Variants in TGFBR1 observed in about 807,000 individuals in gnomAD.
TGFBR1 encodes the protein transforming growth factor beta receptor 1.
In TGFBR1, 20 loss-of-function variants were observed where a neutral mutation model predicts 55.1. The ratio of observed to expected loss-of-function variants is 0.36; its 90% CI spans 0.26 to 0.53. TGFBR1 has a LOEUF of 0.53. Ranked by LOEUF, TGFBR1 falls within the 20% of genes least tolerant of loss-of-function variation. The pLI, the probability that TGFBR1 is intolerant of heterozygous loss-of-function variation, is 0.91. For synonymous variants in TGFBR1, 220 were observed against 214.8 expected, an observed-to-expected ratio of 1.02 and a Z score of -0.21; for missense variants, 385 against 617.6, an observed-to-expected ratio of 0.62 and a Z score of 3.99.
chr9:99,108,096 A>C (rs1053885270), intron 1 of TGFBR1, among the ~76,000 whole-genome samples: 1 of 152,202 alleles, frequency 6.6e-6, no homozygotes, highest in Non-Finnish European at 1.5e-5. Flanking sequence ...TTTATATTCT[A>C]TTCCACATAA....
rs775908284 is a variant in TGFBR1, at chr9:99,128,789, T to C, written c.98-66T>C. The C allele has an allele frequency of 1.0e-4, 166 of 1,584,748 alleles. No individual in the cohort carries two copies. The African/African-American group carries it at 2.0e-3, about 19-fold the overall frequency. On this transcript the variant is annotated intron_variant, in intron 1 of 8. Transcript: ENST00000374994. ...TAGGATCAAGAATGTATTATTAGAG[T>C]GAATATTGGATAATTTCAAACTGTT...
intron 3 of TGFBR1, among the ~76,000 whole-genome samples, chr9:99,135,293 A>G (rs904625683): frequency 6.6e-6 from 1 of 152,152 alleles, no homozygotes; most frequent in Non-Finnish European, 1.5e-5. Context: ...ATAGCAGAAA[A>G]TGCCATCTGT....
chr9:99,129,333 C>G (rs1314351088), intron 2 of TGFBR1, among the ~76,000 whole-genome samples: 1 of 152,132 alleles, frequency 6.6e-6, no homozygotes, highest in Non-Finnish European at 1.5e-5. Flanking sequence ...GTCTGTTATA[C>G]CTAAAAGGAT....
intron 6 of TGFBR1, among the ~76,000 whole-genome samples, chr9:99,145,604 CTTAA>C (rs1323058685): frequency 6.6e-6 from 1 of 152,192 alleles, no homozygotes; most frequent in African/African-American, 2.4e-5. Context: ...TTCAAAAGAA[CTTAA>C]TTAGGTAGGT....
At position 99,144,865 on chromosome 9, in the gene TGFBR1, A is replaced by C. The variant is rs1827742534; in HGVS notation, c.1107A>C (p.Pro369=). Residue 369 remains proline, a synonymous_variant, in exon 6 of 9, where the codon CCA becomes CCC. Coordinates refer to ENST00000374994, the MANE Select transcript of TGFBR1 (RefSeq NM_004612.4). ...CCACAGATACCATTGATATTGCTCC[A>C]AACCACAGAGTGGGAACAAAAAGGT... is the stretch of plus-strand genomic sequence containing the variant. ...DSATDTIDIA[P]NHRVGTKRYM... 1 of 1,614,010 alleles carries C rather than the reference A, an allele frequency of 6.2e-7. No individual in the cohort carries two copies. The highest frequency in any genetic ancestry group is 8.5e-7 in the Non-Finnish European group (1 of 1,179,908).
Position 99,150,573 on chromosome 9 carries a change from C to T in TGFBR1, c.*1268C>T, listed in dbSNP as rs541995278. The T allele has an allele frequency of 9.3e-6, 2 of 216,062 alleles. No homozygotes were observed. The highest frequency in any genetic ancestry group is 4.5e-5 in the African/African-American group (2 of 44,562). 13.4% of individuals were successfully genotyped at this position (216,062 alleles called of 1,614,324 possible). A position where few individuals can be genotyped will look rare whatever the true frequency, so the allele number is the denominator to read the frequency against. ...TGTAGGAGTAAACGTTCGGTGGATC[C>T]TCTGTCTTTGTAACTGAGGTTAGAG... On this transcript the variant is annotated 3_prime_UTR_variant, in exon 9 of 9. Transcript: ENST00000374994.
rs199892683 is a variant in TGFBR1, at chr9:99,153,671, A to G, written c.*4366A>G. On this transcript the variant is annotated 3_prime_UTR_variant, in exon 9 of 9. Transcript: ENST00000374994. ...CCAAGTGCCAGTGGCATATTTTAAAATAAAGTGTATACGTTGGAATGAGTC... is the reference window on the plus strand; with the variant it reads ...CCAAGTGCCAGTGGCATATTTTAAAGTAAAGTGTATACGTTGGAATGAGTC... The G allele has an allele frequency of 3.0e-4, 60 of 198,472 alleles. No homozygotes were observed. Among genetic ancestry groups the G allele is most frequent in the Non-Finnish European group, 5.5e-4 (53 of 95,498 alleles). The allele number at this position is 198,472 out of a possible 1,614,324, so 12.3% of individuals were successfully genotyped here.
intron 1 of TGFBR1, among the ~76,000 whole-genome samples, chr9:99,128,341 A>G (rs1390153824): frequency 1.3e-5 from 2 of 152,160 alleles, no homozygotes; most frequent in African/African-American, 4.8e-5. Context: ...TGTCTGGCTC[A>G]GTACAAATCT....
rs962617413 is a variant in TGFBR1, at chr9:99,150,348, A to G, written c.*1043A>G. On this transcript the variant is annotated 3_prime_UTR_variant, in exon 9 of 9. Coordinates refer to ENST00000374994, the MANE Select transcript of TGFBR1 (RefSeq NM_004612.4). ...TTTTTCTAAAAGGGAAAGTCTGTCT[A>G]GCTGCTTGTGAAAAGTTATGTGGTA... is the stretch of plus-strand genomic sequence containing the variant. 9.8e-6 allele frequency: 2 copies of G among 203,988 alleles called. No homozygotes were observed. The highest frequency in any genetic ancestry group is 4.6e-5 in the African/African-American group (2 of 43,742). The allele number at this position is 203,988 out of a possible 1,614,324, so 12.6% of individuals were successfully genotyped here.
At chr9:99,106,759 A>G (rs1214518582) in intron 1 of TGFBR1, among the ~76,000 whole-genome samples, 2 of 152,128 alleles carry the variant, frequency 1.3e-5, no homozygotes, top group Non-Finnish European at 2.9e-5. Flanking sequence ...TTTCTTCTTC[A>G]GTCGTCTGAT....
rs78385793 is a variant in TGFBR1 at position 99,152,567 on chromosome 9, C to T, written c.*3262C>T. On this transcript the variant is annotated 3_prime_UTR_variant, in exon 9 of 9. Coordinates refer to ENST00000374994, the MANE Select transcript of TGFBR1 (RefSeq NM_004612.4). ...TTTTTTCTCTATGTCTGAGAACTGTCAGATTAAAACAAGATGGCAAAGAGA... is the reference window on the plus strand; with the variant it reads ...TTTTTTCTCTATGTCTGAGAACTGTTAGATTAAAACAAGATGGCAAAGAGA... The T allele has an allele frequency of 2.6e-3, 587 of 229,404 alleles. 2 individuals are homozygous for T. Among genetic ancestry groups the T allele is most frequent in the African/African-American group, 0.013 (569 of 45,214 alleles). 14.2% of individuals were successfully genotyped at this position (229,404 alleles called of 1,614,324 possible). A position where few individuals can be genotyped will look rare whatever the true frequency, so the allele number is the denominator to read the frequency against.
At chr9:99,111,533 G>C (rs1215348364) in intron 1 of TGFBR1, among the ~76,000 whole-genome samples, 2 of 151,960 alleles carry the variant, frequency 1.3e-5, no homozygotes, top group African/African-American at 4.8e-5. Flanking sequence ...GGAGGCTGAG[G>C]CAGGAGAATC....
intron 2 of TGFBR1, among the ~76,000 whole-genome samples, chr9:99,130,142 T>C (rs972120054): frequency 3.9e-5 from 6 of 152,154 alleles, no homozygotes; most frequent in African/African-American, 1.4e-4. Context: ...CTTCTGCAAT[T>C]TACAGTACAG....
At chr9:99,146,781 G>C (rs952018597) in intron 7 of TGFBR1, among the ~76,000 whole-genome samples, 172 bp downstream of exon 7, 1 of 152,192 alleles carries the variant, frequency 6.6e-6, no homozygotes, top group African/African-American at 2.4e-5. Flanking sequence ...CAGTGCCATG[G>C]TGTGCACATG....
intron 8 of TGFBR1, among the ~76,000 whole-genome samples, chr9:99,148,137 A>G (rs958369986): frequency 1.3e-5 from 2 of 152,194 alleles, no homozygotes; most frequent in African/African-American, 4.8e-5. Flanking sequence ...CAGCCTGGCT[A>G]CCATTTCAAG....
Position 99,149,729 on chromosome 9 carries a change from T to G in TGFBR1, c.*424T>G. 1 of 263,076 alleles carries G rather than the reference T, an allele frequency of 3.8e-6. No individual in the cohort carries two copies. The highest frequency in any genetic ancestry group is 4.8e-5 in the Admixed American group (1 of 20,794). 16.3% of individuals were successfully genotyped at this position (263,076 alleles called of 1,614,324 possible). ...TGGTTAGTACATTCTCAGAGGATTCTGAACCACTAGAGTTTCCTTGATTCA... is the reference window on the plus strand; with the variant it reads ...TGGTTAGTACATTCTCAGAGGATTCGGAACCACTAGAGTTTCCTTGATTCA... On this transcript the variant is annotated 3_prime_UTR_variant, in exon 9 of 9. Transcript: ENST00000374994.
rs1347989389 is a variant in TGFBR1, at chr9:99,127,904, G to T, written c.98-951G>T. 1.8e-5 allele frequency: 8 copies of T among 455,828 alleles called. 1 individual carries two copies. Among genetic ancestry groups the T allele is most frequent in the South Asian group, 1.2e-4 (8 of 64,554 alleles). The allele number at this position is 455,828 out of a possible 1,614,324, so 28.2% of individuals were successfully genotyped here. A position where few individuals can be genotyped will look rare whatever the true frequency, so the allele number is the denominator to read the frequency against. On this transcript the variant is annotated intron_variant, in intron 1 of 8. Transcript: ENST00000374994. The stretch of plus-strand genomic sequence containing the variant: ...TGAATGCTGCTGTGCATGAGGCATG[G>T]TGTTAGATGGCAGATTGACAGAAAT...
At position 99,151,684 on chromosome 9, in the gene TGFBR1, A is replaced by G. The variant is rs1407190162; in HGVS notation, c.*2379A>G. 8.8e-6 allele frequency: 2 copies of G among 226,244 alleles called. No individual in the cohort carries two copies. Among genetic ancestry groups the G allele is most frequent in the East Asian group, 6.4e-5 (1 of 15,560 alleles). 14.0% of individuals were successfully genotyped at this position (226,244 alleles called of 1,614,324 possible). On this transcript the variant is annotated 3_prime_UTR_variant, in exon 9 of 9. Coordinates refer to ENST00000374994, the MANE Select transcript of TGFBR1 (RefSeq NM_004612.4). ...TTTTGATGAATCAGGGAATTTTTTT[A>G]AAGTTGGAGTTTAGTTCTAAATTGA...
At chr9:99,145,437 G>A (rs752640784) in intron 6 of TGFBR1, among the ~76,000 whole-genome samples, 5 of 152,162 alleles carry the variant, frequency 3.3e-5, no homozygotes, top group Non-Finnish European at 7.3e-5. Context: ...AACTGGGACC[G>A]TTGAGGCACT....
Sources: gnomAD v4.1 joint callset for allele counts (sites outside exome capture counted in the v4.1 genomes callset) on GRCh38, gnomAD v4.1.1 for gene constraint, MANE v1.5 for transcripts, NCBI Gene and HGNC (gene_info 2026-07-23, HGNC 2026-07-21) for gene names.